Variants in ABLIM2 observed in about 807,000 individuals in gnomAD.
ABLIM2 encodes actin-binding LIM protein 2.
Under a neutral mutation model 97.7 loss-of-function variants are expected in ABLIM2, and 53 were observed. That is an observed-to-expected ratio of 0.54 (90% CI 0.44 to 0.68). The LOEUF is 0.68. Ranked by LOEUF, ABLIM2 falls within the 30% of genes least tolerant of loss-of-function variation. The pLI is 0.00. For synonymous variants in ABLIM2, 361 were observed against 345.8 expected (o/e 1.04, Z -0.49); for missense variants, 835 against 867.2 (o/e 0.96, Z 0.47).
At chr4:8,134,657 G>C (rs573939343) in intron 1 of ABLIM2, among the ~76,000 whole-genome samples, 53 of 152,298 alleles carry the variant, frequency 3.5e-4, no homozygotes, top group Admixed American at 2.1e-3. Context: ...ACGCTCTCAG[G>C]CTCCACAGTG....
intron 14 of ABLIM2, among the ~76,000 whole-genome samples, chr4:8,013,996 T>C (rs1045888969): frequency 6.6e-6 from 1 of 152,210 alleles, no homozygotes; most frequent in Non-Finnish European, 1.5e-5. Flanking sequence ...CTTGCCCATG[T>C]CCAGGGGGCC....
chr4:8,081,811 C>T (rs1256670765), intron 4 of ABLIM2, among the ~76,000 whole-genome samples: 2 of 152,160 alleles, frequency 1.3e-5, no homozygotes, highest in African/African-American at 4.8e-5. Context: ...CTGGTGACAA[C>T]AGCAGCAACT....
At chr4:8,062,493 G>A (rs996393775) in intron 6 of ABLIM2, among the ~76,000 whole-genome samples, 17 of 151,268 alleles carry the variant, frequency 1.1e-4, no homozygotes, top group African/African-American at 3.9e-4. Context: ...TGGATGGAGT[G>A]CAGTGGCGCG....
At chr4:7,979,163 C>G (rs1736024075) in intron 20 of ABLIM2, among the ~76,000 whole-genome samples, 1 of 152,246 alleles carries the variant, frequency 6.6e-6, no homozygotes, top group Non-Finnish European at 1.5e-5. Flanking sequence ...GTGGCCTTTC[C>G]TCTTCTGTGG....
At position 8,155,090 on chromosome 4, in the gene ABLIM2, C is replaced by T. The variant is rs772935640; in HGVS notation, c.10+3590G>A. 1.2e-4 allele frequency among the ~76,000 whole-genome samples: 18 copies of T among 152,208 alleles called. 1 individual carries two copies. The highest frequency in any genetic ancestry group is 1.2e-3 in the Admixed American group (18 of 15,276). Reference sequence around the variant, plus strand: ...TTGACACGTGGGGATTATTACAACTCAAGGTAAGATGTGGGTGGGGACACA... The same window carrying T: ...TTGACACGTGGGGATTATTACAACTTAAGGTAAGATGTGGGTGGGGACACA... On this transcript the variant is annotated intron_variant, in intron 1 of 20. Transcript: ENST00000447017. The surrounding 1 kb of genome is among the most constrained non-coding windows in gnomAD (Gnocchi z 4.2).
intron 11 of ABLIM2, 42 bp downstream of exon 11, chr4:8,029,614 G>C: frequency 7.4e-7 from 1 of 1,342,672 alleles, no homozygotes; most frequent in Non-Finnish European, 9.8e-7. Flanking sequence ...AAAGGAAAAG[G>C]ACAGCATCCT....
At chr4:8,050,443 G>C (rs1248310190) in intron 8 of ABLIM2, among the ~76,000 whole-genome samples, 1 of 152,194 alleles carries the variant, frequency 6.6e-6, no homozygotes, top group African/African-American at 2.4e-5. Context: ...TCTTGCTGAA[G>C]AGCAACCCTG....
At chr4:8,089,640 C>G (rs886736762) in intron 3 of ABLIM2, among the ~76,000 whole-genome samples, 1 of 145,302 alleles carries the variant, frequency 6.9e-6, no homozygotes, top group African/African-American at 2.5e-5. Flanking sequence ...GAGGGTGAGG[C>G]AGGACAATCG....
In ABLIM2 at chr4:7,989,169, C is replaced by T. The variant is rs532094932; in HGVS notation, c.1680+3697G>A. Among the ~76,000 whole-genome samples the T allele has an allele frequency of 8.1e-4, 120 of 148,656 alleles. 1 individual carries two copies. The highest frequency in any genetic ancestry group is 3.6e-3 in the Middle Eastern group (1 of 276). ...CTTCAGCAGCTCACTGCAACCTCTG[C>T]CTCCCAGGTTCAAGCATTCTTTATT... is the stretch of plus-strand genomic sequence containing the variant. On this transcript the variant is annotated intron_variant, in intron 17 of 20. Transcript: ENST00000447017.
chr4:8,145,435 C>G (rs560013143), intron 1 of ABLIM2, among the ~76,000 whole-genome samples: 1 of 152,188 alleles, frequency 6.6e-6, no homozygotes, highest in East Asian at 1.9e-4. Flanking sequence ...CTGCCCACCT[C>G]GGCTTCCCAA....
At position 8,128,457 on chromosome 4, in the gene ABLIM2, G is replaced by A. The variant is rs570624324; in HGVS notation, c.11-21820C>T. Among the ~76,000 whole-genome samples, 9 of 152,290 alleles carry A rather than the reference G, an allele frequency of 5.9e-5. No homozygotes were observed. The highest frequency in any genetic ancestry group is 3.9e-4 in the East Asian group (2 of 5,188). On this transcript the variant is annotated intron_variant, in intron 1 of 20. Coordinates refer to ENST00000447017, the MANE Select transcript of ABLIM2 (RefSeq NM_001130083.2). This position sits in a 1 kb window ranked among gnomAD's most constrained non-coding sequence, Gnocchi z 4.9. ...GCAGCTCGCAAGGCCCCTGCATACC[G>A]AAACATGGCTAGCACCACGCAGAAC...
chr4:8,021,328 C>A lies in ABLIM2; in HGVS notation c.1268-1025G>T, dbSNP rs185170399. On this transcript the variant is annotated intron_variant, in intron 12 of 20. Transcript: ENST00000447017. The surrounding 1 kb of genome is among the most constrained non-coding windows in gnomAD (Gnocchi z 5.5). ...CCTGGGTGACGCCCCTCCCCCCACA[C>A]CTGTTTGGGGAATGAGGTGACAGAC... is the stretch of plus-strand genomic sequence containing the variant. 1.3e-5 allele frequency among the ~76,000 whole-genome samples: 2 copies of A among 152,264 alleles called. No individual in the cohort carries two copies. The highest frequency in any genetic ancestry group is 2.1e-4 in the South Asian group (1 of 4,826).
At chr4:8,084,551 C>A (rs1483903566) in intron 4 of ABLIM2, among the ~76,000 whole-genome samples, 2 of 152,174 alleles carry the variant, frequency 1.3e-5, no homozygotes, top group Non-Finnish European at 2.9e-5. Flanking sequence ...AGTGGAGGAC[C>A]CCAAAGCCCC....
At position 8,003,498 on chromosome 4, in the gene ABLIM2, G is replaced by T. The variant is rs969433638; in HGVS notation, c.1618+4561C>A. ...CCATGTCAGAAGTTGGGGACTGCCTGAATCTGTTGACTGGCAGCTCCCACC... is the reference window on the plus strand; with the variant it reads ...CCATGTCAGAAGTTGGGGACTGCCTTAATCTGTTGACTGGCAGCTCCCACC... On this transcript the variant is annotated intron_variant, in intron 16 of 20. Transcript: ENST00000447017. This position sits in a 1 kb window ranked among gnomAD's most constrained non-coding sequence, Gnocchi z 4.2. Among the ~76,000 whole-genome samples the T allele has an allele frequency of 2.0e-5, 3 of 151,564 alleles. No individual in the cohort carries two copies. Among genetic ancestry groups the T allele is most frequent in the African/African-American group, 7.3e-5 (3 of 41,280 alleles).
rs1165469265 is a variant in ABLIM2 at position 8,085,035 on chromosome 4, G to T, written c.454+3134C>A. Among the ~76,000 whole-genome samples, 1 of 152,228 alleles carries T rather than the reference G, an allele frequency of 6.6e-6. No homozygotes were observed. Among genetic ancestry groups the T allele is most frequent in the Non-Finnish European group, 1.5e-5 (1 of 68,038 alleles). ...CACAGGGGACCTCCCAACGAGAGTGGTGGGGAAGCTGAGGCATGCGGGGTG... is the reference window on the plus strand; with the variant it reads ...CACAGGGGACCTCCCAACGAGAGTGTTGGGGAAGCTGAGGCATGCGGGGTG... On this transcript the variant is annotated intron_variant, in intron 4 of 20. Transcript: ENST00000447017. This position sits in a 1 kb window ranked among gnomAD's most constrained non-coding sequence, Gnocchi z 6.1.
chr4:8,096,214 G>C (rs1055389411), intron 3 of ABLIM2, among the ~76,000 whole-genome samples: 1 of 152,184 alleles, frequency 6.6e-6, no homozygotes, highest in Non-Finnish European at 1.5e-5. Flanking sequence ...GTCTGGAAAT[G>C]GTTGTTTCAT....
rs1184299081 is a variant in ABLIM2 at position 8,005,146 on chromosome 4, G to A, written c.1618+2913C>T. The stretch of plus-strand genomic sequence containing the variant: ...GATGAGTTTGTGATCGGGCCCTTGC[G>A]AAGCCAAAGAGGTGCCCGGCGGGCA... On this transcript the variant is annotated intron_variant, in intron 16 of 20. Transcript: ENST00000447017. The surrounding 1 kb of genome is among the most constrained non-coding windows in gnomAD (Gnocchi z 4.9). Among the ~76,000 whole-genome samples, 11 of 152,198 alleles carry A rather than the reference G, an allele frequency of 7.2e-5. No homozygotes were observed. The highest frequency in any genetic ancestry group is 3.9e-4 in the Admixed American group (6 of 15,286).
rs1371881174 is a variant in ABLIM2 at position 7,986,118 on chromosome 4, C to A, written c.1681-1225G>T. Among the ~76,000 whole-genome samples the A allele has an allele frequency of 6.6e-6, 1 of 152,184 alleles. No homozygotes were observed. Among genetic ancestry groups the A allele is most frequent in the Non-Finnish European group, 1.5e-5 (1 of 68,042 alleles). The stretch of plus-strand genomic sequence containing the variant: ...AACGGGGTCTCAAACGGGGTCAGGG[C>A]TCTCGGCCAGTGCTGCTGAAACTGG... On this transcript the variant is annotated intron_variant, in intron 17 of 20. Coordinates refer to ENST00000447017, the MANE Select transcript of ABLIM2 (RefSeq NM_001130083.2). This position sits in a 1 kb window ranked among gnomAD's most constrained non-coding sequence, Gnocchi z 4.3.
Position 8,002,353 on chromosome 4 carries a change from C to A in ABLIM2, c.1618+5706G>T, listed in dbSNP as rs1560528049. On this transcript the variant is annotated intron_variant, in intron 16 of 20. Transcript: ENST00000447017. The surrounding 1 kb of genome is among the most constrained non-coding windows in gnomAD (Gnocchi z 6.1). ...TTCTTTGATTCCGTCACCCCCGCAG[C>A]CAGTGGTTCCTGAGCTGCCACCATG... 6.6e-6 allele frequency among the ~76,000 whole-genome samples: 1 copy of A among 152,220 alleles called. No individual in the cohort carries two copies. Among genetic ancestry groups the A allele is most frequent in the Non-Finnish European group, 1.5e-5 (1 of 68,040 alleles).
Sources: gnomAD v4.1 joint callset for allele counts (sites outside exome capture counted in the v4.1 genomes callset) on GRCh38, gnomAD v4.1.1 for gene constraint, Gnocchi (gnomAD v3.1) non-coding constraint, MANE v1.5 for transcripts, NCBI Gene and HGNC (gene_info 2026-07-23, HGNC 2026-07-21) for gene names.